Variants in HEMK2 observed in about 807,000 individuals in gnomAD.
HEMK2 encodes HemK methyltransferase 2, ETF1 glutamine and histone H4 lysine.
the HEMK2 span, chr21:28,873,638 G>C: frequency 6.6e-6 from 1 of 152,172 alleles, no homozygotes; most frequent in African/African-American, 2.4e-5. Context: ...ATGCCCTAAG[G>C]AATCCTGTGT....
the HEMK2 span, among the ~76,000 whole-genome samples, chr21:28,864,825 A>AGAT: frequency 3.6e-5 from 3 of 84,186 alleles, no homozygotes; most frequent in Non-Finnish European, 5.4e-5. Flanking sequence ...ACAGACAGAT[A>AGAT]GATAGATAGA....
chr21:28,602,906 T>G, the HEMK2 span, among the ~76,000 whole-genome samples: 2 of 152,214 alleles, frequency 1.3e-5, no homozygotes, highest in South Asian at 4.1e-4. Context: ...CTCCTAGACC[T>G]CCTTGTATCC....
At chr21:28,839,153 A>T in the HEMK2 span, among the ~76,000 whole-genome samples, 1 of 151,612 alleles carries the variant, frequency 6.6e-6, no homozygotes, top group African/African-American at 2.4e-5. Flanking sequence ...CAGAAAAAGC[A>T]TTCAACAACA....
the HEMK2 span, among the ~76,000 whole-genome samples, chr21:28,680,857 C>A: frequency 6.6e-6 from 1 of 152,190 alleles, no homozygotes; most frequent in Non-Finnish European, 1.5e-5. Context: ...AACAACCCTT[C>A]ATGCTAAAAA....
At chr21:28,672,751 T>C in the HEMK2 span, among the ~76,000 whole-genome samples, 1 of 152,176 alleles carries the variant, frequency 6.6e-6, no homozygotes, top group Non-Finnish European at 1.5e-5. Context: ...TCTTTTTCTC[T>C]TCTTGACGCT....
chr21:28,882,313 A>G, the HEMK2 span: 18 of 1,221,400 alleles, frequency 1.5e-5, no homozygotes, highest in African/African-American at 2.7e-4. Context: ...TTACTGAGTA[A>G]TATCAAGGTA....
At chr21:28,851,686 T>A in the HEMK2 span, among the ~76,000 whole-genome samples, 1 of 152,218 alleles carries the variant, frequency 6.6e-6, no homozygotes, top group South Asian at 2.1e-4. Context: ...TCACTACTTC[T>A]CACTCACTGG....
chr21:28,879,273 C>T, the HEMK2 span, among the ~76,000 whole-genome samples: 6,322 of 151,952 alleles, frequency 0.042, 181 homozygotes, highest in Non-Finnish European at 0.06. Flanking sequence ...GACAGAGTCT[C>T]GCACTATCGT....
the HEMK2 span, among the ~76,000 whole-genome samples, chr21:28,755,859 C>A: frequency 6.6e-6 from 1 of 152,136 alleles, no homozygotes; most frequent in African/African-American, 2.4e-5. Flanking sequence ...CTCTCTTATA[C>A]CCAGATGCCT....
the HEMK2 span, among the ~76,000 whole-genome samples, chr21:28,782,917 ATAAAT>A: frequency 6.6e-6 from 1 of 152,204 alleles, no homozygotes; most frequent in African/African-American, 2.4e-5. Context: ...CAATCTCTCT[ATAAAT>A]TAAATTAACA....
chr21:28,668,200 A>G, the HEMK2 span, among the ~76,000 whole-genome samples: 198 of 152,362 alleles, frequency 1.3e-3, no homozygotes, highest in African/African-American at 4.6e-3. Context: ...AGAAATGTGG[A>G]AAAAGGAATT....
chr21:28,744,778 A>G, the HEMK2 span, among the ~76,000 whole-genome samples: 1 of 152,232 alleles, frequency 6.6e-6, no homozygotes, highest in Non-Finnish European at 1.5e-5. Context: ...GGTTATAAAT[A>G]TGTAAACTAT....
chr21:28,876,322 A>T, the HEMK2 span: 1 of 1,131,450 alleles, frequency 8.8e-7, no homozygotes, highest in Non-Finnish European at 1.3e-6. Context: ...CTAATGAATG[A>T]CTTCAGTTTC....
the HEMK2 span, among the ~76,000 whole-genome samples, chr21:28,663,659 C>T: frequency 6.6e-6 from 1 of 152,206 alleles, no homozygotes; most frequent in Non-Finnish European, 1.5e-5. Flanking sequence ...CTTTTTGTTG[C>T]TGTTTCTGTT....
chr21:28,715,945 G>T, the HEMK2 span, among the ~76,000 whole-genome samples: 2 of 152,092 alleles, frequency 1.3e-5, no homozygotes, highest in African/African-American at 4.8e-5. Context: ...AAGATCAGAT[G>T]ATTGTACGCA....
chr21:28,882,247 G>A, the HEMK2 span: 1 of 1,610,450 alleles, frequency 6.2e-7, no homozygotes, highest in East Asian at 2.2e-5. Context: ...TGATATCAGT[G>A]CACCTATAAA....
At chr21:28,796,409 G>T in the HEMK2 span, among the ~76,000 whole-genome samples, 2 of 152,170 alleles carry the variant, frequency 1.3e-5, no homozygotes, top group Non-Finnish European at 2.9e-5. Flanking sequence ...CAAAGCGCTG[G>T]GATTACAGGC....
At chr21:28,739,001 C>T in the HEMK2 span, among the ~76,000 whole-genome samples, 42 of 152,154 alleles carry the variant, frequency 2.8e-4, no homozygotes, top group Non-Finnish European at 1.3e-4. Flanking sequence ...TGAAATATAC[C>T]TACACTGGAT....
the HEMK2 span, among the ~76,000 whole-genome samples, chr21:28,683,011 C>T: frequency 1.3e-5 from 2 of 151,024 alleles, no homozygotes; most frequent in Non-Finnish European, 2.9e-5. Flanking sequence ...CAAACCTGCA[C>T]GTTGTGCACG....
Sources: gnomAD v4.1 joint callset for allele counts (sites outside exome capture counted in the v4.1 genomes callset) on GRCh38, gnomAD v4.1.1 for gene constraint, MANE v1.5 for transcripts, NCBI Gene and HGNC (gene_info 2026-07-23, HGNC 2026-07-21) for gene names.